Variants in MMP26 observed in about 807,000 individuals in gnomAD.
The protein encoded by MMP26 is matrix metallopeptidase 26.
MMP26 carries 33 observed loss-of-function variants against 31.0 expected under a neutral mutation model. The observed-to-expected ratio is 1.06, with a 90% CI of 0.81 to 1.42. The LOEUF is 1.42. Among genes scored for constraint, MMP26 ranks in the 40% most tolerant of loss-of-function variants. The pLI is 0.00. For synonymous variants in MMP26, 122 were observed against 114.9 expected, an observed-to-expected ratio of 1.06 and a Z score of -0.40; for missense variants, 347 against 316.1, an observed-to-expected ratio of 1.10 and a Z score of -0.74.
At chr11:4,831,638 A>G (rs1248074983) in intron 2 of MMP26, among the ~76,000 whole-genome samples, 4 of 152,106 alleles carry the variant, frequency 2.6e-5, no homozygotes. Context: ...GACCAATTCT[A>G]TATATTTTCA....
chr11:4,825,250 C>T (rs1344964284), intron 2 of MMP26, among the ~76,000 whole-genome samples: 1 of 152,158 alleles, frequency 6.6e-6, no homozygotes, highest in African/African-American at 2.4e-5. Context: ...CTTATTCACT[C>T]AAATGTCAAC....
intron 2 of MMP26, among the ~76,000 whole-genome samples, chr11:4,986,913 C>CTCTCTCTCTT (rs1846900331): frequency 9.9e-6 from 1 of 101,078 alleles, no homozygotes; most frequent in Non-Finnish European, 2.1e-5. Flanking sequence ...CTTTCTCTCT[C>CTCTCTCTCTT]TCTCTCTCTC....
intron 1 of MMP26, among the ~76,000 whole-genome samples, chr11:4,706,953 T>G (rs116043076): frequency 6.6e-6 from 1 of 152,334 alleles, no homozygotes; most frequent in Non-Finnish European, 1.5e-5. Context: ...CATGTATGTC[T>G]TGTGCTTTCT....
chr11:4,727,677 G>A (rs1316944828), intron 1 of MMP26, among the ~76,000 whole-genome samples: 2 of 152,182 alleles, frequency 1.3e-5, no homozygotes, highest in Non-Finnish European at 2.9e-5. Context: ...AGGCATGGTG[G>A]CGGGCGCCTG....
intron 2 of MMP26, among the ~76,000 whole-genome samples, chr11:4,786,187 G>C (rs1848941427): frequency 6.6e-6 from 1 of 152,106 alleles, no homozygotes; most frequent in Non-Finnish European, 1.5e-5. Flanking sequence ...CCAGACTCCA[G>C]GGAAGAGGAG....
At chr11:4,911,171 A>C (rs12806727) in intron 2 of MMP26, among the ~76,000 whole-genome samples, 14,930 of 152,238 alleles carry the variant, frequency 0.098, 931 homozygotes, top group Middle Eastern at 0.19. Flanking sequence ...TATTCTTGAC[A>C]AGAATTATTT....
chr11:4,755,066 G>C lies in MMP26; in HGVS notation c.-216-12204G>C, dbSNP rs187604726. 2.1e-3 allele frequency among the ~76,000 whole-genome samples: 325 copies of C among 151,858 alleles called. 2 individuals carry two copies. The highest frequency in any genetic ancestry group is 3.6e-3 in the Non-Finnish European group (241 of 67,796). On this transcript the variant is annotated intron_variant, in intron 1 of 7. Coordinates refer to ENST00000380390, the MANE Select transcript of MMP26 (RefSeq NM_021801.5). The stretch of plus-strand genomic sequence containing the variant: ...TCTGCATAGACTTTCACCTTTCATC[G>C]GTTGATCACTAATTTCTGTTTTTAT...
intron 2 of MMP26, among the ~76,000 whole-genome samples, chr11:4,856,550 A>G (rs1346451635): frequency 7.9e-5 from 12 of 152,228 alleles, no homozygotes; most frequent in Non-Finnish European, 1.6e-4. Context: ...CGCCCAATAC[A>G]GGAGCACCCA....
At chr11:4,838,438 G>T (rs990251607) in intron 2 of MMP26, among the ~76,000 whole-genome samples, 1 of 142,378 alleles carries the variant, frequency 7.0e-6, no homozygotes, top group Non-Finnish European at 1.5e-5. Context: ...ATCCTTTAAA[G>T]CCAGCAATCG....
At chr11:4,855,325 A>T (rs781732427) in intron 2 of MMP26, among the ~76,000 whole-genome samples, 9 of 152,212 alleles carry the variant, frequency 5.9e-5, no homozygotes, top group Non-Finnish European at 1.3e-4. Context: ...AACCTTGAAA[A>T]AAGATTAGAT....
chr11:4,787,582 A>T (rs541104926), intron 2 of MMP26: 1 of 152,310 alleles, frequency 6.6e-6, no homozygotes, highest in Non-Finnish European at 1.5e-5. Flanking sequence ...ATGTCCACCC[A>T]CTATTGTCCA....
intron 2 of MMP26, among the ~76,000 whole-genome samples, chr11:4,963,649 C>T (rs762517633): frequency 1.3e-5 from 2 of 152,122 alleles, no homozygotes; most frequent in African/African-American, 2.4e-5. Context: ...TCAATAAGAA[C>T]CTGACTTCTT....
At chr11:4,774,553 A>G (rs183855463) in intron 2 of MMP26, among the ~76,000 whole-genome samples, 4 of 152,226 alleles carry the variant, frequency 2.6e-5, no homozygotes, top group Non-Finnish European at 5.9e-5. Context: ...ATAGATGGCA[A>G]AATTTTTTCT....
intron 1 of MMP26, among the ~76,000 whole-genome samples, chr11:4,756,986 C>G (rs1485273449): frequency 2.0e-5 from 3 of 151,768 alleles, no homozygotes; most frequent in African/African-American, 7.3e-5. Context: ...ATCAACAAGT[C>G]TTTTTTTTCT....
intron 2 of MMP26, among the ~76,000 whole-genome samples, chr11:4,839,883 A>T (rs552766698): frequency 6.6e-6 from 1 of 151,496 alleles, no homozygotes; most frequent in South Asian, 2.1e-4. Context: ...GGGATCCCCC[A>T]TTCCAGGATT....
intron 1 of MMP26, among the ~76,000 whole-genome samples, chr11:4,708,217 C>G (rs948479052): frequency 6.6e-6 from 1 of 152,186 alleles, no homozygotes; most frequent in African/African-American, 2.4e-5. Flanking sequence ...ACTCGAAGAT[C>G]CATAGCTTTT....
At chr11:4,819,745 A>C (rs1050443479) in intron 2 of MMP26, among the ~76,000 whole-genome samples, 3 of 151,654 alleles carry the variant, frequency 2.0e-5, no homozygotes, top group African/African-American at 7.3e-5. Context: ...TGCCTGGCTA[A>C]TTTGTAAACG....
chr11:4,976,201 G>A (rs974781989), intron 2 of MMP26, among the ~76,000 whole-genome samples: 5 of 151,972 alleles, frequency 3.3e-5, no homozygotes, highest in African/African-American at 1.2e-4. Flanking sequence ...ATGCAAAAAA[G>A]TTGAAGTAAC....
intron 2 of MMP26, among the ~76,000 whole-genome samples, chr11:4,962,676 G>T (rs894953217): frequency 2.0e-5 from 3 of 152,146 alleles, no homozygotes; most frequent in African/African-American, 7.2e-5. Context: ...AGTAATTCGG[G>T]TTTAGCACTT....
Sources: gnomAD v4.1 joint callset for allele counts (sites outside exome capture counted in the v4.1 genomes callset) on GRCh38, gnomAD v4.1.1 for gene constraint, MANE v1.5 for transcripts, NCBI Gene and HGNC (gene_info 2026-07-23, HGNC 2026-07-21) for gene names.